PPP2R2C: variants seen among roughly 807,000 people sequenced by gnomAD.
PPP2R2C encodes protein phosphatase 2 regulatory subunit Bgamma.
PPP2R2C carries 10 observed loss-of-function variants against 45.3 expected under a neutral mutation model. The ratio of observed to expected loss-of-function variants is 0.22; its 90% CI spans 0.14 to 0.37. The LOEUF is 0.37. Ranked by LOEUF, PPP2R2C falls within the 10% of genes least tolerant of loss-of-function variation. The pLI, the probability that PPP2R2C is intolerant of heterozygous loss-of-function variation, is 1.00. For missense variants in PPP2R2C, 308 were observed against 619.7 expected, an observed-to-expected ratio of 0.50 and a Z score of 5.34; for synonymous variants, 257 against 245.4, an observed-to-expected ratio of 1.05 and a Z score of -0.44.
chr4:6,387,807 G>GGA (rs112656650), intron 1 of PPP2R2C, among the ~76,000 whole-genome samples: 3 of 143,466 alleles, frequency 2.1e-5, no homozygotes, highest in South Asian at 4.4e-4. Flanking sequence ...CAACAGTGAA[G>GGA]AAAAAAAAAA....
In PPP2R2C at chr4:6,554,953, A is replaced by AAG. The variant is rs1491070164; in HGVS notation, c.-59+8605_-59+8606dup. 5.5e-3 allele frequency among the ~76,000 whole-genome samples: 751 copies of AAG among 136,802 alleles called. 10 individuals carry two copies. In the East Asian group the frequency reaches 0.074, roughly 13 times the overall value. The allele number at this position is 136,802 out of a possible 152,430, so 89.7% of individuals were successfully genotyped here. A position where few individuals can be genotyped will look rare whatever the true frequency, so the allele number is the denominator to read the frequency against. On this transcript the variant is annotated intron_variant, in intron 1 of 9. Coordinates refer to the PPP2R2C transcript ENST00000506140. ...AAGGAAAGAAAGAAAGAAAGAAAGA[A>AAG]AGAAAGAAAGAAAGAGAAAGAAAGA...
chr4:6,529,595 T>C (rs1030078822), intron 2 of PPP2R2C, among the ~76,000 whole-genome samples: 3 of 152,190 alleles, frequency 2.0e-5, no homozygotes, highest in Admixed American at 1.3e-4. Context: ...GCGGTTCACA[T>C]GCAGCTCCAC....
intron 2 of PPP2R2C, among the ~76,000 whole-genome samples, chr4:6,479,823 T>A (rs981869335): frequency 1.3e-5 from 2 of 152,246 alleles, no homozygotes; most frequent in South Asian, 2.1e-4. Context: ...GAATATTGAT[T>A]CAAAAGGAAT....
At chr4:6,508,693 GA>G (rs756891075) in intron 2 of PPP2R2C, among the ~76,000 whole-genome samples, 44 of 152,210 alleles carry the variant, frequency 2.9e-4, no homozygotes, top group Non-Finnish European at 6.0e-4. Flanking sequence ...TGCACACTAA[GA>G]GGCAAAATGA....
chr4:6,512,665 G>T (rs201881067), intron 2 of PPP2R2C, among the ~76,000 whole-genome samples: 9 of 148,564 alleles, frequency 6.1e-5, no homozygotes, highest in African/African-American at 2.2e-4. Flanking sequence ...GGTGGTGGTG[G>T]TGGTGGTGGT....
chr4:6,391,575 T>A lies in PPP2R2C; in HGVS notation c.71-10481A>T, dbSNP rs114194928. On this transcript the variant is annotated intron_variant, in intron 1 of 8. Coordinates refer to ENST00000382599, the MANE Select transcript of PPP2R2C (RefSeq NM_020416.4). ...CAGTATTGATTTGTGTTAAAGGCCA[T>A]GGAAAAAGGATTCCATGATCCCGGC... Among the ~76,000 whole-genome samples the A allele has an allele frequency of 2.7e-3, 406 of 152,324 alleles. 2 individuals carry two copies. The highest frequency in any genetic ancestry group is 9.5e-3 in the African/African-American group (395 of 41,578).
intron 1 of PPP2R2C, among the ~76,000 whole-genome samples, chr4:6,561,995 G>C (rs1298776618): frequency 1.3e-5 from 2 of 152,226 alleles, no homozygotes; most frequent in East Asian, 3.9e-4. Context: ...ACCGGATATA[G>C]TCCCTGCCCT....
intron 1 of PPP2R2C, among the ~76,000 whole-genome samples, chr4:6,553,604 C>G (rs527435019): frequency 1.3e-5 from 2 of 152,138 alleles, no homozygotes; most frequent in East Asian, 3.9e-4. Flanking sequence ...CAATCAGCAG[C>G]GAGTCCTTCT....
At chr4:6,549,246 G>T (rs1234985478) in intron 1 of PPP2R2C, among the ~76,000 whole-genome samples, 1 of 152,002 alleles carries the variant, frequency 6.6e-6, no homozygotes, top group Admixed American at 6.6e-5. Context: ...ATGGAAATTG[G>T]ACCACGTCGT....
rs58305750 is a variant in PPP2R2C, at chr4:6,342,081, TACACACACACACACACACACACAC to T, written c.790+5741_790+5764del. Among the ~76,000 whole-genome samples, 1,335 of 139,718 alleles carry T rather than the reference TACACACACACACACACACACACAC, an allele frequency of 9.6e-3. 19 individuals carry two copies. The highest frequency in any genetic ancestry group is 0.034 in the African/African-American group (1,283 of 37,848). The allele number at this position is 139,718 out of a possible 152,430, so 91.7% of individuals were successfully genotyped here. A position where few individuals can be genotyped will look rare whatever the true frequency, so the allele number is the denominator to read the frequency against. On this transcript the variant is annotated intron_variant, in intron 6 of 8. Transcript: ENST00000382599. ...AAAACATTTTGGAGATCTGCCACGA[TACACACACACACACACACACACAC>T]ACACACACACACACACACACACATA...
At chr4:6,470,265 C>T (rs577358103) in intron 1 of PPP2R2C, among the ~76,000 whole-genome samples, 1 of 152,252 alleles carries the variant, frequency 6.6e-6, no homozygotes, top group Non-Finnish European at 1.5e-5. Flanking sequence ...TAAAACAGTG[C>T]CCGGCATGCA....
intron 1 of PPP2R2C, among the ~76,000 whole-genome samples, chr4:6,553,295 AC>A (rs1467448342): frequency 1.3e-5 from 2 of 152,218 alleles, no homozygotes; most frequent in Non-Finnish European, 2.9e-5. Context: ...TAGGGCAGGG[AC>A]CACAGGTGAT....
chr4:6,368,764 T>C lies in PPP2R2C; in HGVS notation c.625+3759A>G, dbSNP rs1455282053. ...CTCTGGCCCTGCCTCTCACTCTCTC[T>C]CCCCGGGTCTCCTTGCTGGTTCCCA... is the stretch of plus-strand genomic sequence containing the variant. On this transcript the variant is annotated intron_variant, in intron 5 of 8. Transcript: ENST00000382599. The surrounding 1 kb of genome is among the most constrained non-coding windows in gnomAD (Gnocchi z 4.2). Among the ~76,000 whole-genome samples, 6 of 152,020 alleles carry C rather than the reference T, an allele frequency of 3.9e-5. No homozygotes were observed. Among genetic ancestry groups the C allele is most frequent in the Admixed American group, 3.3e-4 (5 of 15,258 alleles).
At chr4:6,559,395 GCA>G (rs58400617) in intron 1 of PPP2R2C, among the ~76,000 whole-genome samples, 8,453 of 144,532 alleles carry the variant, frequency 0.058, 411 homozygotes, top group African/African-American at 0.15. Context: ...AAAATACACA[GCA>G]CACACACACA....
At chr4:6,350,586 G>T in intron 5 of PPP2R2C, 8 of 985,326 alleles carry the variant, frequency 8.1e-6, no homozygotes, top group Non-Finnish European at 9.6e-6. Flanking sequence ...TAACTCATGG[G>T]GCGCAGTGGG....
chr4:6,550,118 T>G (rs561608133), intron 1 of PPP2R2C, among the ~76,000 whole-genome samples: 1 of 152,130 alleles, frequency 6.6e-6, no homozygotes, highest in Non-Finnish European at 1.5e-5. Flanking sequence ...CTCACCTCCA[T>G]GCTCACTGCC....
intron 3 of PPP2R2C, among the ~76,000 whole-genome samples, chr4:6,376,458 T>C (rs1329907859): frequency 1.3e-5 from 2 of 151,812 alleles, no homozygotes; most frequent in African/African-American, 4.8e-5. Context: ...TGTCTTTTTT[T>C]TTTTTTCTTT....
intron 2 of PPP2R2C, among the ~76,000 whole-genome samples, chr4:6,506,194 C>A (rs886716140): frequency 5.3e-5 from 8 of 152,150 alleles, no homozygotes; most frequent in Admixed American, 2.0e-4. Context: ...TAATGGACAA[C>A]TGATTGAAAG....
intron 1 of PPP2R2C, among the ~76,000 whole-genome samples, chr4:6,463,575 GC>G (rs1721438490): frequency 1.3e-5 from 2 of 152,244 alleles, no homozygotes; most frequent in African/African-American, 4.8e-5. Context: ...CAGCACAGGG[GC>G]CCCCAGGTGT....
Sources: allele counts gnomAD v4.1 joint callset (sites outside exome capture counted in the v4.1 genomes callset), GRCh38; gene constraint gnomAD v4.1.1; non-coding constraint Gnocchi (gnomAD v3.1); transcripts MANE v1.5; gene names NCBI Gene and HGNC (gene_info 2026-07-23, HGNC 2026-07-21).